The following FGF12 variants were observed in gnomAD, a reference collection of about 807,000 sequenced individuals.
FGF12 encodes fibroblast growth factor 12B.
A neutral mutation model predicts 23.6 loss-of-function variants in FGF12; 14 were observed. The observed-to-expected ratio is 0.59, with a 90% CI of 0.39 to 0.93. FGF12 has a LOEUF of 0.93. FGF12 is among the 40% of genes least tolerant of loss of function. The pLI, the probability that FGF12 is intolerant of heterozygous loss-of-function variation, is 0.00. For missense variants in FGF12, 175 were observed against 217.8 expected, an observed-to-expected ratio of 0.80 and a Z score of 1.24; for synonymous variants, 62 against 77.3, an observed-to-expected ratio of 0.80 and a Z score of 1.04.
chr3:192,164,100 T>C (rs1334293319), intron 5 of FGF12, among the ~76,000 whole-genome samples: 1 of 152,144 alleles, frequency 6.6e-6, no homozygotes, highest in African/African-American at 2.4e-5. Context: ...AGCAATGTGC[T>C]TCTTGAAGGA....
rs75700377 is a variant in FGF12 at position 192,538,790 on chromosome 3, T to G, written c.14-178252A>C. ...CCATGAACATGGAATATCTTTTCAT[T>G]TCTTTGTTGTGCTCTTTAATTTCTT... On this transcript the variant is annotated intron_variant, in intron 2 of 5. Transcript: ENST00000445105. Among the ~76,000 whole-genome samples, 496 of 152,336 alleles carry G rather than the reference T, an allele frequency of 3.3e-3. 4 individuals are homozygous for G. The highest frequency in any genetic ancestry group is 0.011 in the African/African-American group (475 of 41,594).
At chr3:192,482,672 A>C (rs1723513006) in intron 2 of FGF12, among the ~76,000 whole-genome samples, 1 of 152,080 alleles carries the variant, frequency 6.6e-6, no homozygotes, top group Non-Finnish European at 1.5e-5. Flanking sequence ...ATGGAGTATG[A>C]ATCTTGAGAC....
intron 2 of FGF12, among the ~76,000 whole-genome samples, chr3:192,640,837 G>T (rs1276813566): frequency 1.3e-5 from 2 of 151,846 alleles, no homozygotes; most frequent in Non-Finnish European, 2.9e-5. Context: ...GTGTGAGACA[G>T]GGTCTTACTC....
intron 2 of FGF12, among the ~76,000 whole-genome samples, chr3:192,630,730 T>G (rs1466860374): frequency 6.6e-6 from 1 of 151,584 alleles, no homozygotes; most frequent in East Asian, 1.9e-4. Context: ...TTTTTTTTTT[T>G]TGTATTTTTA....
intron 4 of FGF12, among the ~76,000 whole-genome samples, chr3:192,324,094 AAATT>A (rs1013601389): frequency 6.0e-5 from 9 of 150,648 alleles, no homozygotes; most frequent in Admixed American, 3.3e-4. Context: ...TGTCTCAAAA[AAATT>A]AATTAATTAA....
At chr3:192,318,095 T>C (rs2108679362) in intron 4 of FGF12, among the ~76,000 whole-genome samples, 1 of 152,182 alleles carries the variant, frequency 6.6e-6, no homozygotes, top group Admixed American at 6.5e-5. Context: ...AACACCCAAG[T>C]CCTTTTGAAT....
chr3:192,495,703 G>T (rs753070722), intron 2 of FGF12, among the ~76,000 whole-genome samples: 3 of 152,084 alleles, frequency 2.0e-5, no homozygotes, highest in Non-Finnish European at 2.9e-5. Flanking sequence ...GTCTTGCTCT[G>T]TTGCCCAGGC....
At chr3:192,500,445 C>CT (rs202129635) in intron 2 of FGF12, among the ~76,000 whole-genome samples, 12,771 of 151,750 alleles carry the variant, frequency 0.084, 621 homozygotes, top group Admixed American at 0.19. Context: ...CATCCCCCCA[C>CT]CCGCCACACA....
intron 2 of FGF12, among the ~76,000 whole-genome samples, chr3:192,421,038 C>T (rs1180108745): frequency 6.6e-6 from 1 of 152,074 alleles, no homozygotes; most frequent in Non-Finnish European, 1.5e-5. Context: ...GAGAGATATT[C>T]GACGAGAATC....
chr3:192,215,365 T>G (rs1464566488), intron 4 of FGF12, among the ~76,000 whole-genome samples: 1 of 152,186 alleles, frequency 6.6e-6, no homozygotes, highest in African/African-American at 2.4e-5. Context: ...AAGAAGTCTT[T>G]CTTACCCTCA....
At chr3:192,185,534 T>C (rs1046492569) in intron 4 of FGF12, among the ~76,000 whole-genome samples, 2 of 152,122 alleles carry the variant, frequency 1.3e-5, no homozygotes, top group African/African-American at 4.8e-5. Context: ...TTCTTTTTTT[T>C]TCATGAATTT....
chr3:192,656,160 C>T (rs1560183716), intron 2 of FGF12, among the ~76,000 whole-genome samples: 1 of 151,650 alleles, frequency 6.6e-6, no homozygotes. Flanking sequence ...AAATCAGTGA[C>T]GGAAGCTCAC....
At chr3:192,434,200 G>A (rs937539054) in intron 2 of FGF12, among the ~76,000 whole-genome samples, 1 of 152,178 alleles carries the variant, frequency 6.6e-6, no homozygotes, top group Non-Finnish European at 1.5e-5. Flanking sequence ...CCCTCCGGGA[G>A]CCCCTCCCAG....
intron 2 of FGF12, among the ~76,000 whole-genome samples, chr3:192,657,466 A>G (rs1302646969): frequency 6.6e-6 from 1 of 151,536 alleles, no homozygotes; most frequent in East Asian, 1.9e-4. Flanking sequence ...ACAAGCTCCT[A>G]AAAGAACCTC....
intron 2 of FGF12, among the ~76,000 whole-genome samples, chr3:192,389,369 G>A (rs1018183360): frequency 2.6e-5 from 4 of 152,062 alleles, no homozygotes; most frequent in Non-Finnish European, 4.4e-5. Context: ...CTCAAACAAC[G>A]ACAATACATA....
chr3:192,164,436 G>A (rs1483898536), intron 5 of FGF12, among the ~76,000 whole-genome samples: 3 of 152,174 alleles, frequency 2.0e-5, no homozygotes, highest in Non-Finnish European at 2.9e-5. Context: ...AACACAGGAT[G>A]AGACGTGAAA....
At chr3:192,363,517 G>A (rs890186193) in intron 2 of FGF12, among the ~76,000 whole-genome samples, 11 of 152,108 alleles carry the variant, frequency 7.2e-5, no homozygotes, top group African/African-American at 2.7e-4. Context: ...GTTGTGATAT[G>A]TGAAAATGAA....
chr3:192,490,474 T>C (rs1723766964), intron 2 of FGF12, among the ~76,000 whole-genome samples: 1 of 152,110 alleles, frequency 6.6e-6, no homozygotes, highest in Non-Finnish European at 1.5e-5. Flanking sequence ...CATATAAGTG[T>C]GTATGTATAC....
intron 4 of FGF12, among the ~76,000 whole-genome samples, chr3:192,263,869 G>T (rs999031091): frequency 6.6e-6 from 1 of 151,972 alleles, no homozygotes; most frequent in Non-Finnish European, 1.5e-5. Context: ...GCCCTCTAAG[G>T]CTCATAAATG....
Sources: allele counts gnomAD v4.1 joint callset (sites outside exome capture counted in the v4.1 genomes callset), GRCh38; gene constraint gnomAD v4.1.1; transcripts MANE v1.5; gene names NCBI Gene and HGNC (gene_info 2026-07-23, HGNC 2026-07-21).